Variants in SAMD5 observed in about 807,000 individuals in gnomAD.
SAMD5 encodes the protein sterile alpha motif domain-containing protein 5.
A neutral mutation model predicts 11.3 loss-of-function variants in SAMD5; 13 were observed. The observed-to-expected ratio is 1.15, with a 90% CI of 0.75 to 1.83. The LOEUF (loss-of-function observed/expected upper bound fraction) is 1.83. SAMD5 is among the 40% of genes most tolerant of loss of function. SAMD5 has a pLI of 0.00. For synonymous variants in SAMD5, 129 were observed against 111.3 expected (o/e 1.16, Z -1.00); for missense variants, 255 against 239.1 (o/e 1.07, Z -0.44).
chr6:147,947,405 A>G, the SAMD5 span: 25 of 152,358 alleles, frequency 1.6e-4, no homozygotes, highest in African/African-American at 5.8e-4. Context: ...AGGATAATCT[A>G]AGAACGGCTG....
Position 147,649,862 on chromosome 6 carries a change from T to C in SAMD5, c.163-87455T>C, listed in dbSNP as rs1276995666. On this transcript the variant is annotated intron_variant, in intron 1 of 1. Coordinates refer to the SAMD5 transcript ENST00000566741. Reference sequence around the variant, plus strand: ...AAACTTTACCAGCTGGGCAAGAACATGGCTCAGTGACCGCTCTCCCCAGAA... The same window carrying C: ...AAACTTTACCAGCTGGGCAAGAACACGGCTCAGTGACCGCTCTCCCCAGAA... 5.9e-5 allele frequency among the ~76,000 whole-genome samples: 9 copies of C among 151,836 alleles called. 1 individual carries two copies. In the South Asian group the frequency reaches 1.7e-3, roughly 28 times the overall value.
chr6:147,549,732 A>G (rs972713534), intron 1 of SAMD5, among the ~76,000 whole-genome samples: 2 of 152,010 alleles, frequency 1.3e-5, no homozygotes, highest in Non-Finnish European at 2.9e-5. Context: ...ATGACTCATC[A>G]CCAGTTAGAT....
intron 1 of SAMD5, among the ~76,000 whole-genome samples, chr6:147,526,833 G>A (rs182810523): frequency 2.3e-3 from 356 of 152,356 alleles, no homozygotes; most frequent in Non-Finnish European, 3.8e-3. Flanking sequence ...TGAAGCATAA[G>A]GTTGGGCTGA....
the SAMD5 span, among the ~76,000 whole-genome samples, chr6:147,793,768 T>A: frequency 6.6e-6 from 1 of 152,136 alleles, no homozygotes; most frequent in Non-Finnish European, 1.5e-5. Context: ...AGCCTCTAAG[T>A]TCTGTTCTAT....
chr6:147,707,782 T>C (rs930854723), intron 1 of SAMD5, among the ~76,000 whole-genome samples: 3 of 152,136 alleles, frequency 2.0e-5, no homozygotes, highest in Non-Finnish European at 4.4e-5. Flanking sequence ...TTCAGTGTGC[T>C]TTTGTTTACC....
chr6:147,777,257 A>G, the SAMD5 span, among the ~76,000 whole-genome samples: 1 of 152,086 alleles, frequency 6.6e-6, no homozygotes, highest in African/African-American at 2.4e-5. Flanking sequence ...TGTGCCGATG[A>G]CATTGGTTAA....
the SAMD5 span, among the ~76,000 whole-genome samples, chr6:147,765,184 T>C: frequency 2.0e-5 from 3 of 152,110 alleles, no homozygotes; most frequent in Admixed American, 1.3e-4. Flanking sequence ...CTCCCTACCT[T>C]GGAAATCTTG....
At chr6:147,850,423 T>C in the SAMD5 span, among the ~76,000 whole-genome samples, 1 of 152,180 alleles carries the variant, frequency 6.6e-6, no homozygotes, top group African/African-American at 2.4e-5. Context: ...GGAAATACCA[T>C]GTGAGAGCTT....
the SAMD5 span, among the ~76,000 whole-genome samples, chr6:147,787,520 C>G: frequency 6.6e-6 from 1 of 152,162 alleles, no homozygotes. Context: ...AAAAAATCCA[C>G]TTGCATTTCA....
the SAMD5 span, among the ~76,000 whole-genome samples, chr6:147,781,481 A>G: frequency 1.3e-5 from 2 of 152,016 alleles, no homozygotes; most frequent in Non-Finnish European, 2.9e-5. Context: ...GCTCCTGGTG[A>G]CTTATTTAGC....
chr6:147,903,516 C>T, the SAMD5 span, among the ~76,000 whole-genome samples: 1 of 152,284 alleles, frequency 6.6e-6, no homozygotes, highest in African/African-American at 2.4e-5. Flanking sequence ...AGATGGTGGA[C>T]TGACCACAAA....
intron 1 of SAMD5, among the ~76,000 whole-genome samples, chr6:147,610,908 T>G (rs1789773887): frequency 6.6e-6 from 1 of 151,670 alleles, no homozygotes; most frequent in Admixed American, 6.6e-5. Flanking sequence ...CTCACTCTGT[T>G]GCCCAGGCTG....
the SAMD5 span, among the ~76,000 whole-genome samples, chr6:147,896,754 A>AC: frequency 2.5e-4 from 38 of 149,934 alleles, no homozygotes; most frequent in South Asian, 6.4e-4. Context: ...AAAAAAAAAA[A>AC]AAAAAAAAAC....
chr6:147,602,649 CAGG>C (rs1309078967), intron 1 of SAMD5, among the ~76,000 whole-genome samples: 1 of 152,058 alleles, frequency 6.6e-6, no homozygotes, highest in Non-Finnish European at 1.5e-5. Context: ...GAGGCTGAGG[CAGG>C]AGAATCGCTT....
intron 1 of SAMD5, among the ~76,000 whole-genome samples, chr6:147,734,157 A>G (rs1791758516): frequency 6.6e-6 from 1 of 152,224 alleles, no homozygotes. Flanking sequence ...ATTTGGTCAT[A>G]ATTCCATCCC....
chr6:147,942,676 C>T, the SAMD5 span, among the ~76,000 whole-genome samples: 25 of 152,164 alleles, frequency 1.6e-4, no homozygotes, highest in African/African-American at 5.6e-4. Context: ...GCTGTAGACC[C>T]CTAAGGGGCT....
chr6:147,726,580 G>A (rs1174596113), intron 1 of SAMD5, among the ~76,000 whole-genome samples: 1 of 152,184 alleles, frequency 6.6e-6, no homozygotes, highest in African/African-American at 2.4e-5. Context: ...CAAAGCTGTT[G>A]TTTGACTTTA....
At chr6:147,871,314 A>C in the SAMD5 span, among the ~76,000 whole-genome samples, 1 of 152,194 alleles carries the variant, frequency 6.6e-6, no homozygotes, top group Non-Finnish European at 1.5e-5. Context: ...TTTAATTACT[A>C]ATATCAAAAG....
At chr6:147,678,406 A>G (rs972584284) in intron 1 of SAMD5, among the ~76,000 whole-genome samples, 21 of 152,240 alleles carry the variant, frequency 1.4e-4, no homozygotes, top group Non-Finnish European at 4.4e-5. Flanking sequence ...AAACAGCTGA[A>G]TGCTTCATAA....
Sources: gnomAD v4.1 joint callset for allele counts (sites outside exome capture counted in the v4.1 genomes callset) on GRCh38, gnomAD v4.1.1 for gene constraint, MANE v1.5 for transcripts, NCBI Gene and HGNC (gene_info 2026-07-23, HGNC 2026-07-21) for gene names.